Variants in SLC27A6 observed in about 807,000 individuals in gnomAD.
SLC27A6 encodes solute carrier family 27 member 6.
In SLC27A6, 74 loss-of-function variants were observed where a neutral mutation model predicts 63.9. The ratio of observed to expected loss-of-function variants is 1.16; its 90% CI spans 0.96 to 1.40. The LOEUF is 1.40. SLC27A6 is among the 40% of genes most tolerant of loss of function. SLC27A6 has a pLI of 0.00. For missense variants in SLC27A6, 794 were observed against 732.9 expected (o/e 1.08, Z -0.96); for synonymous variants, 287 against 260.8 (o/e 1.10, Z -0.97).
At chr5:128,997,697 A>G (rs988897867) in intron 4 of SLC27A6, among the ~76,000 whole-genome samples, 2 of 152,178 alleles carry the variant, frequency 1.3e-5, no homozygotes, top group East Asian at 3.8e-4. Flanking sequence ...TGCTAATTCC[A>G]TTGAGGATAC....
chr5:129,024,943 C>T (rs756874410), intron 6 of SLC27A6, among the ~76,000 whole-genome samples: 1 of 152,176 alleles, frequency 6.6e-6, no homozygotes, highest in Non-Finnish European at 1.5e-5. Flanking sequence ...AGCCTACTGG[C>T]ATTTATCAAA....
chr5:129,013,861 C>A (rs533357470), intron 4 of SLC27A6, among the ~76,000 whole-genome samples: 52 of 151,970 alleles, frequency 3.4e-4, no homozygotes, highest in Non-Finnish European at 6.2e-4. Flanking sequence ...TATTTTTATT[C>A]TTTAAAAAAT....
rs1376609356 is a variant in SLC27A6 at position 129,033,236 on chromosome 5, C to G, written c.1814C>G (p.Thr605Ser). The change falls in exon 10 of 10, where the codon ACC becomes AGC. Residue 605 changes from threonine (T) to serine (S), a missense_variant. Thr to Ser is a moderately conservative substitution (Grantham distance 58, BLOSUM62 1). Coordinates refer to ENST00000262462, the MANE Select transcript of SLC27A6 (RefSeq NM_001017372.3). ...DNLKKSYVLL[T>S]RELYDQIMLG... ...TTGAAAAAGTCTTATGTTCTACTGACCAGGGAACTTTATGATCAAATAATG... is the reference window on the plus strand; with the variant it reads ...TTGAAAAAGTCTTATGTTCTACTGAGCAGGGAACTTTATGATCAAATAATG... The G allele has an allele frequency of 6.3e-7, 1 of 1,588,086 alleles. No homozygotes were observed. The highest frequency in any genetic ancestry group is 8.6e-7 in the Non-Finnish European group (1 of 1,166,550).
intron 1 of SLC27A6, among the ~76,000 whole-genome samples, chr5:128,973,370 C>G (rs566049410): frequency 1.3e-5 from 2 of 152,316 alleles, no homozygotes; most frequent in African/African-American, 4.8e-5. Flanking sequence ...TATGCCCTGC[C>G]CCCAGAGGTA....
At chr5:128,991,803 C>T (rs1750992533) in intron 4 of SLC27A6, among the ~76,000 whole-genome samples, 1 of 151,640 alleles carries the variant, frequency 6.6e-6, no homozygotes, top group African/African-American at 2.4e-5. Flanking sequence ...TGATCAACTG[C>T]CACCATCTGA....
chr5:129,013,256 C>G (rs1751784141), intron 4 of SLC27A6, among the ~76,000 whole-genome samples: 2 of 152,030 alleles, frequency 1.3e-5, no homozygotes, highest in Non-Finnish European at 2.9e-5. Flanking sequence ...TTCATTCCTT[C>G]CTGCTTTTTG....
In SLC27A6 at chr5:128,965,936, G is replaced by T. The variant is rs1000696455; in HGVS notation, c.-202G>T. The T allele has an allele frequency of 3.8e-6, 2 of 522,342 alleles. No individual in the cohort carries two copies. The highest frequency in any genetic ancestry group is 1.9e-5 in the African/African-American group (1 of 51,936). The allele number at this position is 522,342 out of a possible 1,614,324, so 32.4% of individuals were successfully genotyped here. On this transcript the variant is annotated 5_prime_UTR_variant, in exon 1 of 10. Coordinates refer to ENST00000262462, the MANE Select transcript of SLC27A6 (RefSeq NM_001017372.3). The stretch of plus-strand genomic sequence containing the variant: ...CCAAGCTTAATCTTCAGCACCACTT[G>T]GGGCGACCTTTTCGGTGCAAACCTA...
chr5:128,984,462 G>GTT (rs1750717549), intron 1 of SLC27A6, among the ~76,000 whole-genome samples: 1 of 152,194 alleles, frequency 6.6e-6, no homozygotes, highest in Non-Finnish European at 1.5e-5. Context: ...CTCACCAGTT[G>GTT]CTCCTTTGTT....
intron 1 of SLC27A6, among the ~76,000 whole-genome samples, chr5:128,983,831 C>G (rs1750697697): frequency 6.6e-6 from 1 of 152,044 alleles, no homozygotes; most frequent in South Asian, 2.1e-4. Context: ...GCTAGACATC[C>G]AAAATAAAGC....
At chr5:128,979,642 CAGG>C (rs1750515008) in intron 1 of SLC27A6, among the ~76,000 whole-genome samples, 1 of 152,078 alleles carries the variant, frequency 6.6e-6, no homozygotes, top group East Asian at 1.9e-4. Flanking sequence ...TCATTGGCAA[CAGG>C]AGATGTGTTA....
intron 5 of SLC27A6, 74 bp downstream of exon 5, chr5:129,016,153 G>GATT: frequency 1.0e-5 from 11 of 1,087,358 alleles, no homozygotes; most frequent in Non-Finnish European, 1.3e-5. Flanking sequence ...AACACTTTGG[G>GATT]ACGCCGAGGT....
chr5:128,997,122 C>G (rs1044476893), intron 4 of SLC27A6, among the ~76,000 whole-genome samples: 77 of 152,198 alleles, frequency 5.1e-4, no homozygotes, highest in African/African-American at 1.7e-3. Context: ...TTTTGGAAAA[C>G]TTTTCCCACC....
chr5:128,990,270 C>T, intron 3 of SLC27A6, 70 bp from the exon 4 acceptor site: 3 of 1,437,144 alleles, frequency 2.1e-6, no homozygotes, highest in East Asian at 2.3e-5. Context: ...AGAGAAACAT[C>T]ATTCATGTTT....
At chr5:129,006,005 T>C (rs1751510483) in intron 4 of SLC27A6, among the ~76,000 whole-genome samples, 1 of 151,504 alleles carries the variant, frequency 6.6e-6, no homozygotes. Context: ...AATACCTAAT[T>C]TAGACTTTAT....
chr5:128,990,308 TCCCTAGTGCC>T, intron 3 of SLC27A6, 22 bp from the exon 4 acceptor site: 2 of 1,601,532 alleles, frequency 1.2e-6, no homozygotes, highest in Admixed American at 1.8e-5. Context: ...TGAATTTTTT[TCCCTAGTGCC>T]TGTTTTTGTC....
chr5:128,992,635 G>T (rs1751022282), intron 4 of SLC27A6, among the ~76,000 whole-genome samples: 1 of 152,172 alleles, frequency 6.6e-6, no homozygotes, highest in South Asian at 2.1e-4. Flanking sequence ...CTTGCCTCAG[G>T]TAAGGGAGGT....
At chr5:129,018,844 T>G (rs528773336) in intron 5 of SLC27A6, among the ~76,000 whole-genome samples, 1 of 152,284 alleles carries the variant, frequency 6.6e-6, no homozygotes, top group South Asian at 2.1e-4. Context: ...CATTTTAGTT[T>G]TCTTTTTCAG....
rs769192760 is a variant in SLC27A6 at position 129,027,129 on chromosome 5, G to T, written c.1256-4G>T. ...GGCTGCAAAAATGTCGTTCTTTCTT[G>T]CAGGAGAACCTGGACTTCTCATTTC... On this transcript the variant is annotated splice_region_variant and splice_polypyrimidine_tract_variant and intron_variant, in intron 6 of 9. Transcript: ENST00000262462. The T allele has an allele frequency of 3.7e-6, 6 of 1,612,352 alleles. No homozygotes were observed. The highest frequency in any genetic ancestry group is 5.1e-6 in the Non-Finnish European group (6 of 1,178,818).
At chr5:129,013,516 T>C (rs571670161) in intron 4 of SLC27A6, among the ~76,000 whole-genome samples, 1 of 152,270 alleles carries the variant, frequency 6.6e-6, no homozygotes, top group East Asian at 1.9e-4. Context: ...GCCATAAATA[T>C]TCATGTTGCC....
Sources: allele counts gnomAD v4.1 joint callset (sites outside exome capture counted in the v4.1 genomes callset), GRCh38; gene constraint gnomAD v4.1.1; transcripts MANE v1.5; gene names NCBI Gene and HGNC (gene_info 2026-07-23, HGNC 2026-07-21).